AKT3: variants seen among roughly 807,000 people sequenced by gnomAD.
AKT3 encodes AKT serine/threonine kinase 3.
Under a neutral mutation model 65.3 loss-of-function variants are expected in AKT3, and 15 were observed. The observed-to-expected ratio is 0.23, with a 90% CI of 0.15 to 0.35. AKT3 has a LOEUF of 0.35. AKT3 is among the 10% of genes least tolerant of loss of function. The probability of loss-of-function intolerance (pLI) is 1.00; values close to 1 mark genes in which losing one functional copy is unlikely to be tolerated. For missense variants in AKT3, 243 were observed against 576.5 expected, an observed-to-expected ratio of 0.42 and a Z score of 5.92; for synonymous variants, 206 against 183.8, an observed-to-expected ratio of 1.12 and a Z score of -0.98.
chr1:243,644,141 T>G (rs1371794492), intron 5 of AKT3, among the ~76,000 whole-genome samples: 1 of 152,196 alleles, frequency 6.6e-6, no homozygotes, highest in African/African-American at 2.4e-5. Context: ...TTTCTTTTTC[T>G]TGGTTCATAT....
chr1:243,823,505 C>T (rs955168371), intron 2 of AKT3, among the ~76,000 whole-genome samples: 1 of 152,078 alleles, frequency 6.6e-6, no homozygotes, highest in Admixed American at 6.5e-5. Context: ...TGACATGACC[C>T]TATATCTGGA....
intron 2 of AKT3, among the ~76,000 whole-genome samples, chr1:243,835,304 A>G (rs1450184585): frequency 6.6e-6 from 1 of 152,156 alleles, no homozygotes; most frequent in Non-Finnish European, 1.5e-5. Context: ...TACTTTAGAG[A>G]GTATACACTG....
At chr1:243,842,535 C>A (rs1166330127) in intron 2 of AKT3, among the ~76,000 whole-genome samples, 1 of 152,096 alleles carries the variant, frequency 6.6e-6, no homozygotes, top group African/African-American at 2.4e-5. Context: ...TAGGAGTGAA[C>A]AAGGTGTATT....
intron 2 of AKT3, among the ~76,000 whole-genome samples, chr1:243,771,306 C>T (rs1002632389): frequency 6.6e-6 from 1 of 152,152 alleles, no homozygotes; most frequent in East Asian, 1.9e-4. Context: ...TCATGTTTGC[C>T]TCCCTCCTAA....
At chr1:243,839,341 T>C (rs530096971) in intron 2 of AKT3, among the ~76,000 whole-genome samples, 1 of 152,114 alleles carries the variant, frequency 6.6e-6, no homozygotes, top group Non-Finnish European at 1.5e-5. Flanking sequence ...CGTCTTTGAG[T>C]AAGATCATTT....
intron 2 of AKT3, among the ~76,000 whole-genome samples, chr1:243,751,519 T>C (rs895146442): frequency 2.0e-5 from 3 of 152,188 alleles, no homozygotes; most frequent in Non-Finnish European, 4.4e-5. Flanking sequence ...TTCATTTTTG[T>C]TTTGTTATTT....
chr1:243,612,720 C>T (rs1677960231), intron 8 of AKT3: 1 of 152,398 alleles, frequency 6.6e-6, no homozygotes, highest in Non-Finnish European at 1.5e-5. Flanking sequence ...TTAAATTTAT[C>T]TCCAAAATAT....
At chr1:243,492,608 T>TG (rs1666813780) in intron 13 of AKT3, among the ~76,000 whole-genome samples, 2 of 140,544 alleles carry the variant, frequency 1.4e-5, no homozygotes, top group Admixed American at 7.0e-5. Flanking sequence ...CCAGCTGTTT[T>TG]TTTTTTTTTT....
intron 2 of AKT3, among the ~76,000 whole-genome samples, chr1:243,766,462 T>C (rs1689830667): frequency 6.6e-6 from 1 of 152,228 alleles, no homozygotes; most frequent in South Asian, 2.1e-4. Flanking sequence ...TTATACACAA[T>C]GTTCTGCCAG....
intron 2 of AKT3, among the ~76,000 whole-genome samples, chr1:243,803,491 G>T (rs1025850253): frequency 6.6e-6 from 1 of 152,054 alleles, no homozygotes; most frequent in Admixed American, 6.6e-5. Flanking sequence ...AAAAGAAAAG[G>T]CTTCCACTGC....
At chr1:243,551,421 TA>T (rs1673055927) in intron 11 of AKT3, among the ~76,000 whole-genome samples, 1 of 152,106 alleles carries the variant, frequency 6.6e-6, no homozygotes, top group South Asian at 2.1e-4. Context: ...AGAAAGACAA[TA>T]TCTCTTTTAT....
chr1:243,781,464 T>C (rs1360808358), intron 2 of AKT3, among the ~76,000 whole-genome samples: 1 of 152,240 alleles, frequency 6.6e-6, no homozygotes, highest in Non-Finnish European at 1.5e-5. Context: ...TTCACATTCT[T>C]TGTCCTTTCT....
chr1:243,850,280 C>CGGAGCT (rs1695716848), upstream of AKT3, among the ~76,000 whole-genome samples: 1 of 96,034 alleles, frequency 1.0e-5, no homozygotes, highest in Non-Finnish European at 2.1e-5. Context: ...GGCCGGGCCG[C>CGGAGCT]GGAGCTGGAG....
At chr1:243,682,032 T>C (rs1683962078) in intron 3 of AKT3, among the ~76,000 whole-genome samples, 1 of 152,106 alleles carries the variant, frequency 6.6e-6, no homozygotes, top group African/African-American at 2.4e-5. Context: ...TCTTTCTAAT[T>C]ACAATTTCAA....
chr1:243,657,177 A>T (rs1478362410), intron 4 of AKT3, among the ~76,000 whole-genome samples: 1 of 152,130 alleles, frequency 6.6e-6, no homozygotes, highest in Non-Finnish European at 1.5e-5. Context: ...GTCCTCAGAG[A>T]GTTCCTTTGG....
At chr1:243,807,121 G>A (rs1428154955) in intron 2 of AKT3, among the ~76,000 whole-genome samples, 1 of 152,178 alleles carries the variant, frequency 6.6e-6, no homozygotes, top group African/African-American at 2.4e-5. Context: ...ACAGAAGACG[G>A]GTGATTTCTG....
intron 8 of AKT3, among the ~76,000 whole-genome samples, chr1:243,579,556 G>A (rs2148520962): frequency 6.6e-6 from 1 of 152,228 alleles, no homozygotes; most frequent in Admixed American, 6.5e-5. Flanking sequence ...ATATTTAGGT[G>A]GGCTGAAAAG....
chr1:243,744,581 T>C (rs1466668010), intron 2 of AKT3, among the ~76,000 whole-genome samples: 1 of 151,110 alleles, frequency 6.6e-6, no homozygotes, highest in African/African-American at 2.4e-5. Context: ...CTACTAAAAA[T>C]ACAAAAAATT....
At chr1:243,717,440 T>A (rs886997022) in intron 2 of AKT3, among the ~76,000 whole-genome samples, 2 of 152,200 alleles carry the variant, frequency 1.3e-5, no homozygotes, top group African/African-American at 4.8e-5. Context: ...ATTTAAAATT[T>A]AGTTTATCAT....
Sources: gnomAD v4.1 joint callset for allele counts (sites outside exome capture counted in the v4.1 genomes callset) on GRCh38, gnomAD v4.1.1 for gene constraint, MANE v1.5 for transcripts, NCBI Gene and HGNC (gene_info 2026-07-23, HGNC 2026-07-21) for gene names.